The following NPAS3 variants were observed in gnomAD, a reference collection of about 807,000 sequenced individuals.
NPAS3 encodes neuronal PAS domain-containing protein 3.
NPAS3 carries 14 observed loss-of-function variants against 73.1 expected under a neutral mutation model. The observed-to-expected ratio is 0.19, with a 90% CI of 0.13 to 0.30. NPAS3 has a LOEUF of 0.30. Among genes scored for constraint, NPAS3 ranks in the 10% least tolerant of loss-of-function variants. NPAS3 has a pLI of 1.00. For synonymous variants in NPAS3, 620 were observed against 541.5 expected, an observed-to-expected ratio of 1.14 and a Z score of -2.01; for missense variants, 1,096 against 1,250.0, an observed-to-expected ratio of 0.88 and a Z score of 1.86.
chr14:33,162,773 G>A (rs1239413823), intron 2 of NPAS3, among the ~76,000 whole-genome samples: 1 of 152,182 alleles, frequency 6.6e-6, no homozygotes, highest in Non-Finnish European at 1.5e-5. Flanking sequence ...GTGGCAGATG[G>A]TATTAAATCT....
At chr14:33,691,006 T>C (rs2060222171) in intron 6 of NPAS3, among the ~76,000 whole-genome samples, 1 of 152,232 alleles carries the variant, frequency 6.6e-6, no homozygotes, top group South Asian at 2.1e-4. Context: ...TGATTTATCC[T>C]AAGCCTTAAC....
At chr14:33,194,040 T>C (rs986169932) in intron 2 of NPAS3, among the ~76,000 whole-genome samples, 1 of 152,204 alleles carries the variant, frequency 6.6e-6, no homozygotes, top group Admixed American at 6.5e-5. Context: ...ACAGAATGCA[T>C]GATTTAACGA....
At chr14:33,089,062 A>G (rs1238684540) in intron 2 of NPAS3, among the ~76,000 whole-genome samples, 1 of 151,416 alleles carries the variant, frequency 6.6e-6, no homozygotes. Flanking sequence ...AACAGAGCAG[A>G]AAAGCTGAAA....
At chr14:33,466,499 G>GGAAGACT (rs2050532411) in intron 4 of NPAS3, among the ~76,000 whole-genome samples, 8 of 152,264 alleles carry the variant, frequency 5.3e-5, no homozygotes, top group Non-Finnish European at 1.2e-4. Flanking sequence ...AGAAGACGTG[G>GGAAGACT]GAAGACTGAA....
intron 5 of NPAS3, among the ~76,000 whole-genome samples, chr14:33,658,749 T>C (rs1242413029): frequency 1.3e-5 from 2 of 152,164 alleles, no homozygotes; most frequent in South Asian, 4.1e-4. Context: ...CTGTGATCCC[T>C]GTGGATCAAA....
At position 33,784,748 on chromosome 14, in the gene NPAS3, T is replaced by A. The variant is rs1457952648; in HGVS notation, c.1153+6176T>A. On this transcript the variant is annotated intron_variant, in intron 9 of 11. Coordinates refer to ENST00000356141, the Ensembl canonical transcript of NPAS3. ...TTATTTATTTATTTATTTATTTATT[T>A]TTTTTTTTTTTTTTTTTTTGAGACA... 1.0e-4 allele frequency among the ~76,000 whole-genome samples: 11 copies of A among 107,228 alleles called. No homozygotes were observed. The South Asian group carries it at 1.5e-3, about 15-fold the overall frequency. 70.3% of individuals were successfully genotyped at this position (107,228 alleles called of 152,430 possible).
chr14:33,142,646 T>G (rs1425382606), intron 2 of NPAS3, among the ~76,000 whole-genome samples: 1 of 152,234 alleles, frequency 6.6e-6, no homozygotes. Flanking sequence ...CTTTTACATC[T>G]TTTGTTAACT....
chr14:33,217,303 C>T (rs996505323), intron 3 of NPAS3, among the ~76,000 whole-genome samples: 7 of 152,002 alleles, frequency 4.6e-5, no homozygotes, highest in African/African-American at 9.7e-5. Flanking sequence ...TGGATGGGGA[C>T]GTAGAGCCAA....
At chr14:33,751,287 T>C (rs546735848) in intron 7 of NPAS3, among the ~76,000 whole-genome samples, 9 of 152,332 alleles carry the variant, frequency 5.9e-5, no homozygotes, top group African/African-American at 2.2e-4. Flanking sequence ...GGAGTAAGTA[T>C]ATAGATTTAA....
intron 4 of NPAS3, among the ~76,000 whole-genome samples, chr14:33,381,310 C>CCCAG (rs1225548890): frequency 3.3e-5 from 5 of 152,132 alleles, no homozygotes; most frequent in Non-Finnish European, 5.9e-5. Context: ...ATATAAAGTA[C>CCCAG]CCAGGCCTGG....
At chr14:33,664,175 A>G (rs2059387729) in intron 5 of NPAS3, among the ~76,000 whole-genome samples, 1 of 152,336 alleles carries the variant, frequency 6.6e-6, no homozygotes, top group African/African-American at 2.4e-5. Context: ...ACAGATATAC[A>G]GACCACTGGA....
At chr14:33,421,846 T>C (rs1001398644) in intron 4 of NPAS3, among the ~76,000 whole-genome samples, 10 of 151,954 alleles carry the variant, frequency 6.6e-5, no homozygotes, top group African/African-American at 2.4e-4. Flanking sequence ...TATTTGGTAT[T>C]AAGAAGAAAG....
At chr14:32,944,543 C>T (rs1344356356) in intron 1 of NPAS3, among the ~76,000 whole-genome samples, 1 of 152,082 alleles carries the variant, frequency 6.6e-6, no homozygotes, top group East Asian at 1.9e-4. Context: ...TTAGTATTTT[C>T]CCAGTAAATA....
At chr14:33,178,108 C>T (rs562944377) in intron 2 of NPAS3, among the ~76,000 whole-genome samples, 6 of 128,580 alleles carry the variant, frequency 4.7e-5, no homozygotes, top group East Asian at 2.3e-4. Context: ...CAGAGTCTTG[C>T]TCTGTCGCCA....
upstream of NPAS3, among the ~76,000 whole-genome samples, chr14:32,937,142 G>A (rs2035721916): frequency 6.6e-6 from 1 of 152,152 alleles, no homozygotes; most frequent in African/African-American, 2.4e-5. Context: ...TGTAGGTCAA[G>A]GTCATTGGCA....
intron 10 of NPAS3, 56 bp from the exon 11 acceptor site, chr14:33,797,401 A>G: frequency 1.3e-6 from 2 of 1,592,506 alleles, no homozygotes; most frequent in African/African-American, 1.3e-5. Context: ...AAGATGGTCC[A>G]AACAAACCAT....
chr14:33,111,983 T>A (rs2042911520), intron 2 of NPAS3, among the ~76,000 whole-genome samples: 1 of 152,142 alleles, frequency 6.6e-6, no homozygotes, highest in Non-Finnish European at 1.5e-5. Context: ...TCCATGTCCC[T>A]ACAAAGGACA....
At chr14:33,767,398 G>A (rs374847243) in intron 7 of NPAS3, among the ~76,000 whole-genome samples, 260 of 152,076 alleles carry the variant, frequency 1.7e-3, no homozygotes, top group African/African-American at 5.7e-3. Flanking sequence ...CAGAGCCCCC[G>A]TCACTTAAAA....
At chr14:33,067,487 C>G (rs2041320322) in intron 2 of NPAS3, among the ~76,000 whole-genome samples, 1 of 152,204 alleles carries the variant, frequency 6.6e-6, no homozygotes, top group African/African-American at 2.4e-5. Flanking sequence ...TCTTTCCAAA[C>G]TCTAGTTTTC....
Sources: gnomAD v4.1 joint callset for allele counts (sites outside exome capture counted in the v4.1 genomes callset) on GRCh38, gnomAD v4.1.1 for gene constraint, MANE v1.5 for transcripts, NCBI Gene and HGNC (gene_info 2026-07-23, HGNC 2026-07-21) for gene names.